Variants in L3MBTL3 observed in about 807,000 individuals in gnomAD.
L3MBTL3 encodes L3MBTL histone methyl-lysine binding protein 3, also known as lethal(3)malignant brain tumor-like protein 3.
L3MBTL3 carries 27 observed loss-of-function variants against 102.3 expected under a neutral mutation model. The observed-to-expected ratio is 0.26, with a 90% CI of 0.19 to 0.36. L3MBTL3 has a LOEUF of 0.36. L3MBTL3 is among the 10% of genes least tolerant of loss of function. The probability of loss-of-function intolerance (pLI) is 1.00; values close to 1 mark genes in which losing one functional copy is unlikely to be tolerated. For missense variants in L3MBTL3, 798 were observed against 955.3 expected (o/e 0.84, Z 2.17); for synonymous variants, 340 against 320.9 (o/e 1.06, Z -0.64).
chr6:130,054,663 G>A (rs1015530357), intron 7 of L3MBTL3, among the ~76,000 whole-genome samples: 6 of 152,216 alleles, frequency 3.9e-5, no homozygotes, highest in Non-Finnish European at 7.3e-5. Context: ...TGATGGGTTT[G>A]AAATGCTGAT....
At chr6:130,049,697 T>G (rs1340510066) in intron 4 of L3MBTL3, 59 bp from the exon 5 acceptor site, 3 of 1,608,892 alleles carry the variant, frequency 1.9e-6, no homozygotes, top group African/African-American at 2.7e-5. Context: ...TTTTCTCATC[T>G]ACTCCGATGG....
intron 13 of L3MBTL3, among the ~76,000 whole-genome samples, chr6:130,072,279 T>C (rs1191071950): frequency 2.0e-5 from 3 of 152,116 alleles, no homozygotes; most frequent in Non-Finnish European, 4.4e-5. Flanking sequence ...TTAGGTATTA[T>C]CAGTAATCTA....
chr6:130,049,299 T>C lies in L3MBTL3; in HGVS notation c.120T>C (p.Phe40=), dbSNP rs1780933894. The C allele has an allele frequency of 4.3e-6, 7 of 1,612,632 alleles. No individual in the cohort carries two copies. Among genetic ancestry groups the C allele is most frequent in the South Asian group, 1.1e-5 (1 of 90,848 alleles). The change falls in exon 4 of 23, where the codon TTT becomes TTC. Residue 40 remains phenylalanine (F), a synonymous_variant. Transcript: ENST00000361794. ...GTTGCTAGTTTCGGGTAAATGAGTT[T>C]GGAGCCCTGGAAGTTATTACAGATG... The part of the protein sequence containing the change: ...GSDLKFRVNE[F]GALEVITDEN...
intron 20 of L3MBTL3, among the ~76,000 whole-genome samples, chr6:130,125,708 G>T (rs905526775): frequency 6.6e-6 from 1 of 152,164 alleles, no homozygotes; most frequent in Non-Finnish European, 1.5e-5. Flanking sequence ...GGCAGAAGCA[G>T]CCCTTTCAAA....
chr6:130,070,425 C>G (rs74992761), intron 12 of L3MBTL3, among the ~76,000 whole-genome samples: 1 of 152,128 alleles, frequency 6.6e-6, no homozygotes, highest in African/African-American at 2.4e-5. Flanking sequence ...TAAAATATAT[C>G]TGTAGTGTTG....
chr6:130,052,805 G>C, intron 6 of L3MBTL3, 54 bp from the exon 7 acceptor site: 1 of 1,544,080 alleles, frequency 6.5e-7, no homozygotes, highest in East Asian at 2.3e-5. Context: ...TCAACAAGTA[G>C]ATGTTTGATA....
intron 20 of L3MBTL3, among the ~76,000 whole-genome samples, chr6:130,124,143 G>A (rs537200861): frequency 6.6e-6 from 1 of 152,244 alleles, no homozygotes; most frequent in African/African-American, 2.4e-5. Flanking sequence ...TTCAGGCAAG[G>A]GAACCAGGCT....
In L3MBTL3 at chr6:130,133,649, C is replaced by T. The variant is rs372008315; in HGVS notation, c.2136+28C>T. 5.6e-6 allele frequency: 9 copies of T among 1,609,124 alleles called. No homozygotes were observed. The East Asian group carries it at 2.0e-4, about 36-fold the overall frequency. ...ATATTTTATTTTCTTTGCTGCCCGACACCAGATACAGGATTACTGGCTTAA... is the reference window on the plus strand; with the variant it reads ...ATATTTTATTTTCTTTGCTGCCCGATACCAGATACAGGATTACTGGCTTAA... On this transcript the variant is annotated intron_variant, in intron 21 of 22. Transcript: ENST00000361794. The surrounding 1 kb of genome is among the most constrained non-coding windows in gnomAD (Gnocchi z 4.9).
intron 8 of L3MBTL3, among the ~76,000 whole-genome samples, chr6:130,056,349 T>C (rs183259735): frequency 2.4e-3 from 372 of 152,338 alleles, no homozygotes; most frequent in Non-Finnish European, 4.1e-3. Context: ...TGTGTGGACC[T>C]TGGGTCACTT....
chr6:130,114,115 G>A (rs1171795381), intron 19 of L3MBTL3, among the ~76,000 whole-genome samples: 1 of 152,122 alleles, frequency 6.6e-6, no homozygotes, highest in Non-Finnish European at 1.5e-5. Flanking sequence ...AGGAGCTCTG[G>A]AAGTGTTTTC....
intron 20 of L3MBTL3, among the ~76,000 whole-genome samples, chr6:130,127,967 A>T (rs1433460475): frequency 6.6e-6 from 1 of 152,144 alleles, no homozygotes. Context: ...GAATGTGGGG[A>T]CCTACTTTTT....
In L3MBTL3 at chr6:130,106,227, A is replaced by G. The variant is rs569215165; in HGVS notation, c.1886+1652A>G. On this transcript the variant is annotated intron_variant, in intron 19 of 22. Transcript: ENST00000361794. ...ATTATTACCTATTAATAATTAAATG[A>G]AATAATGTCTGTGCAAGTACTTGGC... 3.3e-5 allele frequency among the ~76,000 whole-genome samples: 5 copies of G among 152,306 alleles called. No homozygotes were observed. The South Asian group carries it at 1.0e-3, about 32-fold the overall frequency.
At chr6:130,069,339 G>A (rs534889299) in intron 12 of L3MBTL3, among the ~76,000 whole-genome samples, 3 of 152,134 alleles carry the variant, frequency 2.0e-5, no homozygotes, top group Non-Finnish European at 2.9e-5. Flanking sequence ...ATCAAGAGCA[G>A]GAGAAACCTC....
chr6:130,042,650 A>C, intron 2 of L3MBTL3, 35 bp from the exon 3 acceptor site: 1 of 1,198,824 alleles, frequency 8.3e-7, no homozygotes, highest in South Asian at 1.2e-5. Context: ...TTCCATGTGG[A>C]ATATTTAGTG....
intron 14 of L3MBTL3, among the ~76,000 whole-genome samples, chr6:130,082,694 A>T (rs891684234): frequency 2.0e-5 from 3 of 152,188 alleles, no homozygotes; most frequent in African/African-American, 7.2e-5. Flanking sequence ...GTAGAGAATG[A>T]TATTTAGAAA....
chr6:130,126,080 C>G (rs753060267), intron 20 of L3MBTL3, among the ~76,000 whole-genome samples: 1 of 151,364 alleles, frequency 6.6e-6, no homozygotes. Flanking sequence ...TCCCTCGCTC[C>G]CTCCCTCCCT....
At chr6:130,126,742 A>C (rs1196268145) in intron 20 of L3MBTL3, among the ~76,000 whole-genome samples, 1 of 152,172 alleles carries the variant, frequency 6.6e-6, no homozygotes, top group East Asian at 1.9e-4. Context: ...ATTTCAAAAA[A>C]GTGTAGGGAC....
chr6:130,138,289 A>G (rs1787923603), intron 22 of L3MBTL3: 1 of 152,228 alleles, frequency 6.6e-6, no homozygotes, highest in Non-Finnish European at 1.5e-5. Flanking sequence ...GCAGAAATGC[A>G]TCGTCTCACA....
intron 19 of L3MBTL3, among the ~76,000 whole-genome samples, chr6:130,114,931 G>A (rs17633041): frequency 0.064 from 9,671 of 151,940 alleles, 451 homozygotes; most frequent in Non-Finnish European, 0.1. Flanking sequence ...TCATTTGTAC[G>A]AGGCATTTTG....
Sources: allele counts gnomAD v4.1 joint callset (sites outside exome capture counted in the v4.1 genomes callset), GRCh38; gene constraint gnomAD v4.1.1; non-coding constraint Gnocchi (gnomAD v3.1); transcripts MANE v1.5; gene names NCBI Gene and HGNC (gene_info 2026-07-23, HGNC 2026-07-21).